NDUFAF2: variants seen among roughly 807,000 people sequenced by gnomAD.
The protein encoded by NDUFAF2 is NADH dehydrogenase [ubiquinone] 1 alpha subcomplex assembly factor 2.
A neutral mutation model predicts 22.8 loss-of-function variants in NDUFAF2; 13 were observed. That is an observed-to-expected ratio of 0.57 (90% CI 0.37 to 0.91). The LOEUF is 0.91. Among genes scored for constraint, NDUFAF2 ranks in the 40% least tolerant of loss-of-function variants. The pLI is 0.01. For synonymous variants in NDUFAF2, 53 were observed against 64.2 expected, an observed-to-expected ratio of 0.83 and a Z score of 0.84; for missense variants, 162 against 195.2, an observed-to-expected ratio of 0.83 and a Z score of 1.01.
intron 1 of NDUFAF2, among the ~76,000 whole-genome samples, chr5:60,986,937 C>CAAAAAAAAAAAAAAAAAAAAAA (rs200015156): frequency 1.4e-5 from 1 of 73,478 alleles, no homozygotes; most frequent in African/African-American, 4.3e-5. Flanking sequence ...TCTTTTGTCT[C>CAAAAAAAAAAAAAAAAAAAAAA]AAAAAAAAAA....
At chr5:61,023,138 C>A (rs1318873022) in intron 1 of NDUFAF2, among the ~76,000 whole-genome samples, 2 of 152,112 alleles carry the variant, frequency 1.3e-5, no homozygotes, top group Admixed American at 6.5e-5. Context: ...TTCTAGAATG[C>A]CTAGTAAAGA....
At chr5:61,147,443 T>TTTTTTTTTTTTTTTG (rs1741157913) in intron 3 of NDUFAF2, among the ~76,000 whole-genome samples, 1 of 137,092 alleles carries the variant, frequency 7.3e-6, no homozygotes, top group Non-Finnish European at 1.6e-5. Flanking sequence ...CTTTCTTTTT[T>TTTTTTTTTTTTTTTG]TTTTTTTTTT....
intron 2 of NDUFAF2, among the ~76,000 whole-genome samples, chr5:61,093,059 C>A (rs1048285765): frequency 2.0e-5 from 3 of 152,202 alleles, no homozygotes; most frequent in Non-Finnish European, 4.4e-5. Context: ...AATCTAAAAA[C>A]TGAAGGACTT....
At chr5:61,031,487 A>G (rs1198878789) in intron 1 of NDUFAF2, among the ~76,000 whole-genome samples, 1 of 151,058 alleles carries the variant, frequency 6.6e-6, no homozygotes, top group African/African-American at 2.4e-5. Context: ...ACATGAACTC[A>G]TGCTTTTTTA....
chr5:61,014,878 A>G (rs986329176), intron 1 of NDUFAF2, among the ~76,000 whole-genome samples: 6 of 152,214 alleles, frequency 3.9e-5, no homozygotes, highest in African/African-American at 1.4e-4. Context: ...TCAGTTATCC[A>G]TATAACAGAT....
At chr5:60,978,462 C>A (rs139919403) in intron 1 of NDUFAF2, among the ~76,000 whole-genome samples, 2 of 151,998 alleles carry the variant, frequency 1.3e-5, no homozygotes, top group African/African-American at 4.8e-5. Flanking sequence ...ACAACCATGG[C>A]GGAAGGCAAA....
intron 3 of NDUFAF2, among the ~76,000 whole-genome samples, chr5:61,100,835 T>A (rs1477837442): frequency 6.6e-6 from 1 of 152,142 alleles, no homozygotes; most frequent in Non-Finnish European, 1.5e-5. Context: ...GGAGGACCTT[T>A]GTAATCCATG....
chr5:61,117,663 T>C (rs1286842091), intron 3 of NDUFAF2, among the ~76,000 whole-genome samples: 1 of 146,756 alleles, frequency 6.8e-6, no homozygotes, highest in African/African-American at 2.5e-5. Flanking sequence ...GCCCAATGCA[T>C]ATGATTGACT....
rs1300324967 is a variant in NDUFAF2 at position 60,956,761 on chromosome 5, A to G, written c.127+11379A>G. ...ATGAAAACATTTACTGCCAAACTAT[A>G]TTTTCTATACTTTCTGTATTTCTGT... On this transcript the variant is annotated intron_variant, in intron 1 of 3. Transcript: ENST00000296597. Among the ~76,000 whole-genome samples the G allele has an allele frequency of 2.0e-5, 3 of 152,100 alleles. 1 individual carries two copies. Among genetic ancestry groups the G allele is most frequent in the Admixed American group, 1.3e-4 (2 of 15,280 alleles).
intron 1 of NDUFAF2, among the ~76,000 whole-genome samples, chr5:60,974,865 G>C (rs1431091162): frequency 2.6e-5 from 4 of 152,138 alleles, no homozygotes; most frequent in Admixed American, 2.0e-4. Context: ...GCCCAGGCTA[G>C]AGTGCAGTGG....
chr5:60,956,636 G>A (rs555260797), intron 1 of NDUFAF2, among the ~76,000 whole-genome samples: 4 of 152,004 alleles, frequency 2.6e-5, no homozygotes, highest in Non-Finnish European at 4.4e-5. Context: ...TGTTGATTTG[G>A]TATATCACAT....
intron 2 of NDUFAF2, among the ~76,000 whole-genome samples, chr5:61,096,597 CAAA>C (rs35508356): frequency 3.9e-4 from 37 of 95,270 alleles, no homozygotes; most frequent in Admixed American, 4.6e-4. Context: ...GACACCATTG[CAAA>C]AAAAAAAAAA....
intron 2 of NDUFAF2, among the ~76,000 whole-genome samples, chr5:61,085,988 A>C (rs1345563068): frequency 6.6e-6 from 1 of 151,930 alleles, no homozygotes; most frequent in Non-Finnish European, 1.5e-5. Context: ...GGTGGTGTGC[A>C]CCTGTAGTCT....
Position 60,945,241 on chromosome 5 carries a change from A to G in NDUFAF2, c.-15A>G. The G allele has an allele frequency of 2.5e-6, 4 of 1,611,970 alleles. No homozygotes were observed. The highest frequency in any genetic ancestry group is 3.4e-6 in the Non-Finnish European group (4 of 1,179,608). ...GGGTCCCGCTGCTGGCAGCGCTGGA[A>G]ACTGGGTGGACGGCATGGGTTGGTC... On this transcript the variant is annotated 5_prime_UTR_variant, in exon 1 of 4. Coordinates refer to ENST00000296597, the MANE Select transcript of NDUFAF2 (RefSeq NM_174889.5).
At chr5:61,106,584 C>T (rs924632274) in intron 3 of NDUFAF2, among the ~76,000 whole-genome samples, 1 of 151,198 alleles carries the variant, frequency 6.6e-6, no homozygotes, top group Non-Finnish European at 1.5e-5. Flanking sequence ...TTGAAATATA[C>T]AATAAATTAT....
chr5:61,005,834 G>C (rs1249153751), intron 1 of NDUFAF2, among the ~76,000 whole-genome samples: 1 of 152,116 alleles, frequency 6.6e-6, no homozygotes, highest in Non-Finnish European at 1.5e-5. Flanking sequence ...GTAGATTCTG[G>C]ATATTAGTGC....
rs1226980610 is a variant in NDUFAF2 at position 61,012,676 on chromosome 5, A to G, written c.128-60449A>G. The stretch of plus-strand genomic sequence containing the variant: ...ATGTTGAGTAAATGTAAATTGTAGA[A>G]TACATTTGGATCTATATTTCTCTAC... On this transcript the variant is annotated intron_variant, in intron 1 of 3. Coordinates refer to ENST00000296597, the MANE Select transcript of NDUFAF2 (RefSeq NM_174889.5). Among the ~76,000 whole-genome samples the G allele has an allele frequency of 3.3e-5, 5 of 152,050 alleles. No homozygotes were observed. In the East Asian group the frequency reaches 7.7e-4, roughly 23 times the overall value.
At chr5:60,969,440 G>GC (rs1750799558) in intron 1 of NDUFAF2, among the ~76,000 whole-genome samples, 1 of 152,036 alleles carries the variant, frequency 6.6e-6, no homozygotes, top group African/African-American at 2.4e-5. Flanking sequence ...TTATAGTTTT[G>GC]ATTTGCATTT....
At chr5:61,061,444 A>T (rs1752164803) in intron 1 of NDUFAF2, among the ~76,000 whole-genome samples, 1 of 152,130 alleles carries the variant, frequency 6.6e-6, no homozygotes, top group South Asian at 2.1e-4. Flanking sequence ...GTGCTCAGAC[A>T]TTTTGGTTTC....
Sources: gnomAD v4.1 joint callset for allele counts (sites outside exome capture counted in the v4.1 genomes callset) on GRCh38, gnomAD v4.1.1 for gene constraint, MANE v1.5 for transcripts, NCBI Gene and HGNC (gene_info 2026-07-23, HGNC 2026-07-21) for gene names.